LATS2: variants seen among roughly 807,000 people sequenced by gnomAD.
LATS2 encodes large tumor suppressor kinase 2, also known as serine/threonine-protein kinase LATS2.
A neutral mutation model predicts 76.0 loss-of-function variants in LATS2; 24 were observed. The ratio of observed to expected loss-of-function variants is 0.32; its 90% CI spans 0.23 to 0.44. The LOEUF (loss-of-function observed/expected upper bound fraction) is 0.44. LATS2 is among the 20% of genes least tolerant of loss of function. The pLI is 1.00. For missense variants in LATS2, 1,286 were observed against 1,481.2 expected, an observed-to-expected ratio of 0.87 and a Z score of 2.16; for synonymous variants, 692 against 635.4, an observed-to-expected ratio of 1.09 and a Z score of -1.34.
chr13:20,990,066 C>T (rs572866544), intron 3 of LATS2, among the ~76,000 whole-genome samples: 226 of 152,360 alleles, frequency 1.5e-3, no homozygotes, highest in Middle Eastern at 3.4e-3. Flanking sequence ...GCCTTGCCCA[C>T]AGGAAGACCA....
At chr13:21,010,168 C>T (rs950546503) in intron 2 of LATS2, among the ~76,000 whole-genome samples, 5 of 151,432 alleles carry the variant, frequency 3.3e-5, no homozygotes, top group Non-Finnish European at 5.9e-5. Context: ...CCACTGCACT[C>T]CAGAGTAGGC....
At chr13:21,054,741 A>T (rs1432237999) in intron 1 of LATS2, among the ~76,000 whole-genome samples, 3 of 152,278 alleles carry the variant, frequency 2.0e-5, no homozygotes, top group Non-Finnish European at 4.4e-5. Context: ...CCCTAGCCAG[A>T]TCAGGAGTCC....
At chr13:20,989,584 G>A (rs145269828) in intron 3 of LATS2, among the ~76,000 whole-genome samples, 251 of 152,284 alleles carry the variant, frequency 1.6e-3, no homozygotes, top group Non-Finnish European at 3.1e-3. Context: ...CCCGAGGTGC[G>A]TCCCTGCCCC....
chr13:21,005,883 G>A (rs370715357), intron 2 of LATS2, among the ~76,000 whole-genome samples: 2 of 151,894 alleles, frequency 1.3e-5, no homozygotes, highest in East Asian at 3.9e-4. Context: ...GGAGGCCGAG[G>A]TTGGTGGATC....
chr13:21,019,298 G>GTTATTATTATTA (rs72479904), intron 2 of LATS2, among the ~76,000 whole-genome samples: 1 of 144,570 alleles, frequency 6.9e-6, no homozygotes, highest in African/African-American at 2.5e-5. Flanking sequence ...ACTTGGATTT[G>GTTATTATTATTA]TTATTATTAT....
chr13:20,988,528 G>A lies in LATS2; in HGVS notation c.1252C>T (p.Pro418Ser), dbSNP rs998820358. Residue 418 changes from proline to serine, a missense_variant, in exon 4 of 8, where the codon CCG becomes TCG. This residue lies in a region of LATS2 where 710 missense variants were observed against 660.9 expected (regional missense o/e 1.07). Coordinates refer to ENST00000382592, the MANE Select transcript of LATS2 (RefSeq NM_014572.3). ...AGGGAGGGCTCGGCCTTGCCAGGCG[G>A]ACCGGGCCGCGGCTGGTGGCTGTTG... Reference protein sequence around the residue: ...SFNSHQPRPGPPGKAEPSLPA... With the variant: ...SFNSHQPRPGSPGKAEPSLPA... 2.5e-6 allele frequency: 4 copies of A among 1,569,318 alleles called. No individual in the cohort carries two copies. The highest frequency in any genetic ancestry group is 3.4e-6 in the Non-Finnish European group (4 of 1,166,270).
intron 2 of LATS2, among the ~76,000 whole-genome samples, chr13:21,012,681 G>A (rs1416341890): frequency 6.6e-6 from 1 of 152,104 alleles, no homozygotes; most frequent in Non-Finnish European, 1.5e-5. Context: ...TAAGCGCTTT[G>A]CAGATTTTTT....
In LATS2 at chr13:21,021,474, C is replaced by CAAAAAA. The variant is rs58976562; in HGVS notation, c.342+24205_342+24210dup. On this transcript the variant is annotated intron_variant, in intron 2 of 7. Coordinates refer to ENST00000382592, the MANE Select transcript of LATS2 (RefSeq NM_014572.3). The stretch of plus-strand genomic sequence containing the variant: ...CGGGCAGCAGAGTGAGACTCTGTCT[C>CAAAAAA]AAAAAAAAAAAAAAAAAAAAAAAAA... Among the ~76,000 whole-genome samples the CAAAAAA allele has an allele frequency of 7.4e-4, 36 of 48,374 alleles. 3 individuals carry two copies. The highest frequency in any genetic ancestry group is 1.4e-3 in the African/African-American group (20 of 14,578). The allele number at this position is 48,374 out of a possible 152,430, so 31.7% of individuals were successfully genotyped here.
chr13:21,056,955 C>CA (rs1438266429), intron 1 of LATS2, among the ~76,000 whole-genome samples: 1 of 152,062 alleles, frequency 6.6e-6, no homozygotes, highest in East Asian at 1.9e-4. Flanking sequence ...ACAAAACAGC[C>CA]AAAAAATGTT....
chr13:21,032,892 G>C (rs772931648), intron 2 of LATS2, among the ~76,000 whole-genome samples: 1 of 152,150 alleles, frequency 6.6e-6, no homozygotes, highest in Non-Finnish European at 1.5e-5. Context: ...AACCCAGTGT[G>C]GGAGAAAACC....
intron 7 of LATS2, among the ~76,000 whole-genome samples, chr13:20,979,117 AT>A (rs1362819247): frequency 6.6e-6 from 1 of 152,124 alleles, no homozygotes; most frequent in Non-Finnish European, 1.5e-5. Context: ...CCTGGCCAGC[AT>A]TTTCTGTTCT....
chr13:21,005,180 C>T (rs1424028607), intron 2 of LATS2: 2 of 152,230 alleles, frequency 1.3e-5, no homozygotes, highest in African/African-American at 4.8e-5. Context: ...TAGAGAGAAA[C>T]CCACTTTAAA....
At chr13:21,059,601 C>A (rs1297884782) in intron 1 of LATS2, among the ~76,000 whole-genome samples, 1 of 147,446 alleles carries the variant, frequency 6.8e-6, no homozygotes, top group Non-Finnish European at 1.5e-5. Flanking sequence ...TCTCAAAAAA[C>A]AACAACAACA....
intron 2 of LATS2, among the ~76,000 whole-genome samples, chr13:21,023,931 C>T (rs1565957832): frequency 6.6e-6 from 1 of 151,424 alleles, no homozygotes; most frequent in South Asian, 2.1e-4. Flanking sequence ...CGAGATCGCA[C>T]CATTGCACTC....
chr13:20,979,994 T>G (rs1415845213), intron 6 of LATS2, among the ~76,000 whole-genome samples, 197 bp from the exon 7 acceptor site: 1 of 152,234 alleles, frequency 6.6e-6, no homozygotes, highest in African/African-American at 2.4e-5. Context: ...CATGGCCGCT[T>G]AGGTTTTTGT....
intron 2 of LATS2, among the ~76,000 whole-genome samples, chr13:20,993,542 C>T (rs895194587): frequency 5.3e-5 from 8 of 151,042 alleles, no homozygotes; most frequent in African/African-American, 1.5e-4. Context: ...GGTGCCGCCA[C>T]ATGGGCAGGC....
intron 2 of LATS2, among the ~76,000 whole-genome samples, chr13:21,014,191 G>A (rs115722588): frequency 0.024 from 3,706 of 152,180 alleles, 60 homozygotes; most frequent in East Asian, 0.06. Flanking sequence ...GGGGAAAGGC[G>A]CGCAGGTCAC....
chr13:20,985,077 T>G (rs1311692735), intron 4 of LATS2, among the ~76,000 whole-genome samples: 1 of 152,174 alleles, frequency 6.6e-6, no homozygotes, highest in African/African-American at 2.4e-5. Flanking sequence ...GAAAACTAGA[T>G]ATCCATATGC....
rs1198182269 is a variant in LATS2, at chr13:20,991,045, G to A, written c.475+227C>T. On this transcript the variant is annotated intron_variant, in intron 3 of 7. Coordinates refer to ENST00000382592, the MANE Select transcript of LATS2 (RefSeq NM_014572.3). The surrounding 1 kb of genome is among the most constrained non-coding windows in gnomAD (Gnocchi z 4.9). ...AAGGTAATTTCAGACAAGGCTGGAT[G>A]GGGCAAGCGCCAGGCGTGTCCCACG... 6.6e-6 allele frequency among the ~76,000 whole-genome samples: 1 copy of A among 152,236 alleles called. No individual in the cohort carries two copies. The highest frequency in any genetic ancestry group is 1.5e-5 in the Non-Finnish European group (1 of 68,034).
Sources: gnomAD v4.1 joint callset for allele counts (sites outside exome capture counted in the v4.1 genomes callset) on GRCh38, gnomAD v4.1.1 for gene constraint, gnomAD v4.1.1 regional missense constraint, Gnocchi (gnomAD v3.1) non-coding constraint, MANE v1.5 for transcripts, NCBI Gene and HGNC (gene_info 2026-07-23, HGNC 2026-07-21) for gene names.